Variants in RGS9 observed in about 807,000 individuals in gnomAD.
RGS9 encodes the protein regulator of G-protein signalling 9.
A neutral mutation model predicts 102.0 loss-of-function variants in RGS9; 78 were observed. The observed-to-expected ratio is 0.76, with a 90% confidence interval of 0.64 to 0.92. The LOEUF (loss-of-function observed/expected upper bound fraction) is 0.92. Ranked by LOEUF, RGS9 falls within the 40% of genes least tolerant of loss-of-function variation. The pLI is 0.00. For missense variants in RGS9, 833 were observed against 866.1 expected (o/e 0.96, Z 0.48); for synonymous variants, 353 against 318.6 (o/e 1.11, Z -1.15).
intron 17 of RGS9, among the ~76,000 whole-genome samples, chr17:65,215,475 TC>T (rs1567893136): frequency 0.019 from 2,403 of 127,202 alleles, 90 homozygotes; most frequent in African/African-American, 0.077. Flanking sequence ...TCTTTCTTTC[TC>T]TATCTTTCTT....
At chr17:65,194,870 C>T (rs1054166033) in intron 12 of RGS9, among the ~76,000 whole-genome samples, 4 of 152,208 alleles carry the variant, frequency 2.6e-5, no homozygotes, top group Admixed American at 6.5e-5. Flanking sequence ...GACACTGACC[C>T]AGCTGGGTAA....
chr17:65,217,988 CAGG>C (rs1346922273), intron 17 of RGS9, among the ~76,000 whole-genome samples: 2 of 152,166 alleles, frequency 1.3e-5, no homozygotes, highest in Non-Finnish European at 2.9e-5. Flanking sequence ...CATGTGACTG[CAGG>C]AGAAGTCCCT....
intron 8 of RGS9, among the ~76,000 whole-genome samples, chr17:65,175,110 CAT>C (rs1404379098): frequency 1.3e-5 from 2 of 150,408 alleles, no homozygotes; most frequent in Admixed American, 6.6e-5. Context: ...TGTGTCAGGA[CAT>C]GTGTGTATGT....
chr17:65,167,281 A>G (rs1267987219), intron 7 of RGS9, among the ~76,000 whole-genome samples: 7 of 152,004 alleles, frequency 4.6e-5, no homozygotes. Flanking sequence ...GGCTCACTGC[A>G]ACCTCTGCCT....
At chr17:65,217,907 G>T (rs1029260788) in intron 17 of RGS9, among the ~76,000 whole-genome samples, 1 of 152,180 alleles carries the variant, frequency 6.6e-6, no homozygotes, top group Non-Finnish European at 1.5e-5. Flanking sequence ...CAATTTTAAT[G>T]ATTAGGGAAT....
chr17:65,149,831 A>G (rs984017042), intron 1 of RGS9, among the ~76,000 whole-genome samples: 14 of 152,184 alleles, frequency 9.2e-5, no homozygotes, highest in Admixed American at 2.0e-4. Flanking sequence ...TATGGAGAGA[A>G]AGGAGATTCA....
At chr17:65,187,068 A>G (rs559730319) in intron 9 of RGS9, among the ~76,000 whole-genome samples, 2 of 152,192 alleles carry the variant, frequency 1.3e-5, no homozygotes, top group Non-Finnish European at 2.9e-5. Context: ...TCAAATAAGT[A>G]TGACTGCCAA....
At chr17:65,168,347 C>A in intron 8 of RGS9, 66 bp downstream of exon 8, 1 of 1,121,168 alleles carries the variant, frequency 8.9e-7, no homozygotes, top group South Asian at 1.3e-5. Context: ...CCTGTGCTCT[C>A]CATACCTGTT....
chr17:65,223,804 G>A (rs1905477961), intron 17 of RGS9, among the ~76,000 whole-genome samples: 1 of 150,058 alleles, frequency 6.7e-6, no homozygotes, highest in South Asian at 2.1e-4. Context: ...AGGCTGGAGT[G>A]CAGTGACGCG....
At chr17:65,193,723 A>C in intron 12 of RGS9, 67 bp downstream of exon 12, 1 of 903,208 alleles carries the variant, frequency 1.1e-6, no homozygotes, top group Non-Finnish European at 1.9e-6. Flanking sequence ...ATGCCATAAA[A>C]TTCACCCCTT....
Position 65,225,160 on chromosome 17 carries a change from C to T in RGS9, c.1566C>T (p.Cys522=). Residue 522 remains cysteine (C), a synonymous_variant, in exon 18 of 19, where the codon TGC becomes TGT. Transcript: ENST00000262406. ...TCCGGCGACCCAGCACCACCATCTG[C>T]CCCTCACCCATCAGAGTGGCCTTGG... ...RFIRRPSTTI[C]PSPIRVALES... is the part of the protein sequence containing the mutation. 6.2e-7 allele frequency: 1 copy of T among 1,613,686 alleles called. No homozygotes were observed. Among genetic ancestry groups the T allele is most frequent in the South Asian group, 1.1e-5 (1 of 91,078 alleles).
rs959326296 is a variant in RGS9, at chr17:65,160,758, C to G, written c.365-93C>G. ...GGCTGGGTGTGCTGAGCGTTCTCTCCCCGACTCTGAGCACAGCAGCCTCAG... is the reference window on the plus strand; with the variant it reads ...GGCTGGGTGTGCTGAGCGTTCTCTCGCCGACTCTGAGCACAGCAGCCTCAG... On this transcript the variant is annotated intron_variant, in intron 5 of 18. Transcript: ENST00000262406. 1.1e-5 allele frequency: 16 copies of G among 1,456,404 alleles called. No individual in the cohort carries two copies. The African/African-American group carries it at 2.2e-4, about 20-fold the overall frequency. 90.2% of individuals were successfully genotyped at this position (1,456,404 alleles called of 1,614,324 possible). A position where few individuals can be genotyped will look rare whatever the true frequency, so the allele number is the denominator to read the frequency against.
chr17:65,176,177 C>T (rs189921446), intron 8 of RGS9, among the ~76,000 whole-genome samples: 87 of 152,248 alleles, frequency 5.7e-4, no homozygotes, highest in African/African-American at 2.0e-3. Context: ...TTATTGGTCT[C>T]AAAGAGTCAA....
At position 65,173,121 on chromosome 17, in the gene RGS9, A is replaced by C. The variant is rs2144025805; in HGVS notation, c.583-4611A>C. 6.6e-6 allele frequency among the ~76,000 whole-genome samples: 1 copy of C among 151,508 alleles called. No individual in the cohort carries two copies. Among genetic ancestry groups the C allele is most frequent in the East Asian group, 1.9e-4 (1 of 5,140 alleles). On this transcript the variant is annotated intron_variant, in intron 8 of 18. Transcript: ENST00000262406. This position sits in a 1 kb window ranked among gnomAD's most constrained non-coding sequence, Gnocchi z 4.8. Reference sequence around the variant, plus strand: ...GTATCTTTAGTAGAGATGGGTTTTCACTGTGTTGGCCAGGCTGGTCTCGAA... The same window carrying C: ...GTATCTTTAGTAGAGATGGGTTTTCCCTGTGTTGGCCAGGCTGGTCTCGAA...
intron 18 of RGS9, 141 bp downstream of exon 18, chr17:65,225,627 C>A: frequency 8.4e-7 from 1 of 1,195,916 alleles, no homozygotes; most frequent in Non-Finnish European, 1.2e-6. Context: ...ATCCCTTGGC[C>A]ACTGGAAGAT....
chr17:65,202,661 A>T (rs1309019997), intron 14 of RGS9, among the ~76,000 whole-genome samples: 1 of 152,104 alleles, frequency 6.6e-6, no homozygotes, highest in Non-Finnish European at 1.5e-5. Context: ...GAGCAGCAAT[A>T]AGTCTGTCCC....
chr17:65,164,495 C>T (rs1417977351), intron 7 of RGS9, among the ~76,000 whole-genome samples: 3 of 152,154 alleles, frequency 2.0e-5, no homozygotes, highest in East Asian at 1.9e-4. Flanking sequence ...CAGCCTCACT[C>T]GCTGTGACAG....
At chr17:65,198,376 C>T (rs528906672) in intron 13 of RGS9, among the ~76,000 whole-genome samples, 1 of 152,258 alleles carries the variant, frequency 6.6e-6, no homozygotes, top group East Asian at 1.9e-4. Flanking sequence ...CTGCCTCAGC[C>T]TCCCAAGTAG....
chr17:65,227,488 T>G lies in RGS9; in HGVS notation c.*81T>G. The G allele has an allele frequency of 6.5e-7, 1 of 1,538,092 alleles. No individual in the cohort carries two copies. ...CCATGGTATGGGCCACAGGACACAC[T>G]TGCTCGAGAACCAAAGTGCATTTGG... On this transcript the variant is annotated 3_prime_UTR_variant, in exon 19 of 19. Transcript: ENST00000262406.
Sources: gnomAD v4.1 joint callset for allele counts (sites outside exome capture counted in the v4.1 genomes callset) on GRCh38, gnomAD v4.1.1 for gene constraint, Gnocchi (gnomAD v3.1) non-coding constraint, MANE v1.5 for transcripts, NCBI Gene and HGNC (gene_info 2026-07-23, HGNC 2026-07-21) for gene names.